Variants in XPOT observed in about 807,000 individuals in gnomAD.
XPOT encodes exportin for tRNA.
In XPOT, 34 loss-of-function variants were observed where a neutral mutation model predicts 128.2. That is an observed-to-expected ratio of 0.27 (90% CI 0.20 to 0.35). The LOEUF (loss-of-function observed/expected upper bound fraction) is 0.35, where lower values mean the gene tolerates loss of function less well. XPOT is among the 10% of genes least tolerant of loss of function. The pLI, the probability that XPOT is intolerant of heterozygous loss-of-function variation, is 1.00. For synonymous variants in XPOT, 348 were observed against 394.3 expected, an observed-to-expected ratio of 0.88 and a Z score of 1.39; for missense variants, 838 against 1,125.3, an observed-to-expected ratio of 0.74 and a Z score of 3.65.
intron 1 of XPOT, among the ~76,000 whole-genome samples, chr12:64,406,076 G>A (rs2039978649): frequency 6.6e-6 from 1 of 151,936 alleles, no homozygotes; most frequent in African/African-American, 2.4e-5. Flanking sequence ...CCAAGCTTAA[G>A]CACTTTTTCT....
rs753385838 is a variant in XPOT at position 64,428,060 on chromosome 12, G to T, written c.1677G>T (p.Met559Ile). Reference protein sequence around the residue: ...SRFVKSLNKQMNPFIEDILNR... With the variant: ...SRFVKSLNKQINPFIEDILNR... The stretch of plus-strand genomic sequence containing the variant: ...TTTTTCTGTTTTTCAGTAAGCAAAT[G>T]AATCCTTTCATTGAGGATATTTTGA... The change falls in exon 16 of 25, where the codon ATG (methionine) becomes ATT (isoleucine). Residue 559 changes from methionine to isoleucine, a missense_variant. Met to Ile is a conservative substitution (Grantham distance 10). This residue lies in a region of XPOT where 761 missense variants were observed against 988.3 expected (regional missense o/e 0.77). Transcript: ENST00000332707. The T allele has an allele frequency of 1.3e-6, 2 of 1,569,890 alleles. No individual in the cohort carries two copies. The highest frequency in any genetic ancestry group is 1.1e-5 in the South Asian group (1 of 89,752).
intron 22 of XPOT, among the ~76,000 whole-genome samples, chr12:64,437,123 T>G (rs2040289159): frequency 6.6e-6 from 1 of 152,170 alleles, no homozygotes. Context: ...TTGATTCTGA[T>G]AGAGACTTGA....
intron 11 of XPOT, among the ~76,000 whole-genome samples, 154 bp from the exon 12 acceptor site, chr12:64,424,443 CTT>C (rs942275115): frequency 6.6e-5 from 10 of 152,058 alleles, no homozygotes; most frequent in Admixed American, 4.6e-4. Context: ...ATTTTAAGGT[CTT>C]TTAAGTTTTT....
chr12:64,440,458 T>C (rs570246184), intron 23 of XPOT, among the ~76,000 whole-genome samples: 1 of 152,224 alleles, frequency 6.6e-6, no homozygotes, highest in Non-Finnish European at 1.5e-5. Context: ...TGATTCCAAT[T>C]CTTTTAGATA....
chr12:64,421,021 C>G (rs969710985), intron 8 of XPOT, among the ~76,000 whole-genome samples: 1 of 152,132 alleles, frequency 6.6e-6, no homozygotes, highest in Non-Finnish European at 1.5e-5. Context: ...AGGCTTGTCT[C>G]GAACTCTTGA....
chr12:64,416,217 C>G (rs2040086106), intron 3 of XPOT, among the ~76,000 whole-genome samples: 1 of 152,244 alleles, frequency 6.6e-6, no homozygotes, highest in Admixed American at 6.5e-5. Flanking sequence ...GTTGGACTGA[C>G]AGTCCATGTG....
In XPOT at chr12:64,424,682, A is replaced by G. The variant is rs757056493; in HGVS notation, c.1266A>G (p.Leu422=). ...LDRLAQVSPE[L]LLASVRRVFS... is the part of the protein sequence containing the mutation. Reference sequence around the variant, plus strand: ...GGCTTGCTCAAGTTTCACCAGAGTTACTACTGGCCTCTGTTCGCAGAGTTT... The same window carrying G: ...GGCTTGCTCAAGTTTCACCAGAGTTGCTACTGGCCTCTGTTCGCAGAGTTT... The change falls in exon 12 of 25, where the codon TTA becomes TTG. Residue 422 remains leucine, a synonymous_variant. Transcript: ENST00000332707. 1 of 1,613,360 alleles carries G rather than the reference A, an allele frequency of 6.2e-7. No individual in the cohort carries two copies. Among genetic ancestry groups the G allele is most frequent in the East Asian group, 2.2e-5 (1 of 44,876 alleles).
intron 8 of XPOT, 139 bp downstream of exon 8, chr12:64,420,660 C>A (rs2040130044): frequency 3.1e-6 from 2 of 646,404 alleles, no homozygotes; most frequent in Non-Finnish European, 5.0e-6. Context: ...ACCACTGCAT[C>A]TAGCCAAAAT....
intron 4 of XPOT, 79 bp from the exon 5 acceptor site, chr12:64,417,967 A>G (rs1475870038): frequency 1.7e-6 from 2 of 1,167,210 alleles, no homozygotes; most frequent in Non-Finnish European, 1.2e-6. Context: ...TTTCCCTTTC[A>G]AATATATGAG....
At chr12:64,435,324 A>G (rs2040273656) in intron 21 of XPOT, among the ~76,000 whole-genome samples, 1 of 152,216 alleles carries the variant, frequency 6.6e-6, no homozygotes, top group Non-Finnish European at 1.5e-5. Flanking sequence ...AATTTTCACA[A>G]TACTTAATGT....
At chr12:64,436,200 G>A (rs376817943) in intron 22 of XPOT, among the ~76,000 whole-genome samples, 6 of 149,952 alleles carry the variant, frequency 4.0e-5, no homozygotes, top group East Asian at 4.0e-4. Context: ...CAAGTGATCC[G>A]CCTGCCTTGC....
At chr12:64,440,778 C>T (rs745536676) in intron 23 of XPOT, among the ~76,000 whole-genome samples, 13 of 151,974 alleles carry the variant, frequency 8.6e-5, no homozygotes, top group Non-Finnish European at 1.9e-4. Flanking sequence ...AAGTCTTTAC[C>T]CCATTTTCTA....
intron 16 of XPOT, 123 bp downstream of exon 16, chr12:64,428,243 G>C: frequency 1.6e-6 from 1 of 633,752 alleles, no homozygotes; most frequent in South Asian, 2.0e-5. Flanking sequence ...TATGTGCAAA[G>C]ATTAGTTCTA....
intron 1 of XPOT, among the ~76,000 whole-genome samples, chr12:64,406,145 C>T (rs945957780): frequency 1.3e-5 from 2 of 152,078 alleles, no homozygotes; most frequent in Non-Finnish European, 2.9e-5. Context: ...ACACGATCTC[C>T]GCTCACTGCA....
In XPOT at chr12:64,425,418, G is replaced by A. The variant is rs2040182978; in HGVS notation, c.1533G>A (p.Lys511=). 6.2e-7 allele frequency: 1 copy of A among 1,613,758 alleles called. No homozygotes were observed. Among genetic ancestry groups the A allele is most frequent in the African/African-American group, 1.3e-5 (1 of 74,916 alleles). Residue 511 remains lysine, a synonymous_variant, in exon 14 of 25, where the codon AAG becomes AAA. Transcript: ENST00000332707. The part of the protein sequence containing the change: ...EFFETVVRYE[K]FFTVEPQHIP... Reference sequence around the variant, plus strand: ...TCGAAACTGTTGTTAGATATGAAAAGTTTTTCACAGTTGAACCTCAGCACA... The same window carrying A: ...TCGAAACTGTTGTTAGATATGAAAAATTTTTCACAGTTGAACCTCAGCACA...
intron 16 of XPOT, among the ~76,000 whole-genome samples, chr12:64,429,444 C>CTT (rs34238513): frequency 2.1e-5 from 3 of 143,738 alleles, no homozygotes; most frequent in Non-Finnish European, 1.5e-5. Flanking sequence ...CACTCTAGTA[C>CTT]TTTTTTTTTT....
rs149762630 is a variant in XPOT at position 64,423,668 on chromosome 12, G to T, written c.1182+424G>T. Among the ~76,000 whole-genome samples the T allele has an allele frequency of 8.9e-3, 1,361 of 152,226 alleles. 19 individuals are homozygous for T. The highest frequency in any genetic ancestry group is 0.031 in the African/African-American group (1,270 of 41,544). ...GGGGTTTCGCCGTGTTGGCCAAGTT[G>T]GTCTTGAACTCCTGGCCTCAAGTGA... On this transcript the variant is annotated intron_variant, in intron 11 of 24. Coordinates refer to ENST00000332707, the MANE Select transcript of XPOT (RefSeq NM_007235.6).
chr12:64,425,444 T>G lies in XPOT; in HGVS notation c.1559T>G (p.Ile520Ser). The G allele has an allele frequency of 5.0e-6, 8 of 1,613,990 alleles. No individual in the cohort carries two copies. Among genetic ancestry groups the G allele is most frequent in the Non-Finnish European group, 6.8e-6 (8 of 1,179,956 alleles). Residue 520 changes from isoleucine (I) to serine (S), a missense_variant, in exon 14 of 25, where the codon ATT becomes AGT. Ile to Ser is a moderately radical substitution (Grantham distance 142). Coordinates refer to ENST00000332707, the MANE Select transcript of XPOT (RefSeq NM_007235.6). ...EKFFTVEPQH[I>S]PCVLMAFLDH... is the part of the protein sequence containing the mutation. ...TTTTTCACAGTTGAACCTCAGCACA[T>G]TCCATGTGTACTAGTAAGTACTCTG...
At chr12:64,412,552 A>G (rs574638216) in intron 2 of XPOT, among the ~76,000 whole-genome samples, 1 of 152,186 alleles carries the variant, frequency 6.6e-6, no homozygotes, top group Non-Finnish European at 1.5e-5. Context: ...GTTAGAAACA[A>G]CTAAGCTAGT....
Sources: allele counts gnomAD v4.1 joint callset (sites outside exome capture counted in the v4.1 genomes callset), GRCh38; gene constraint gnomAD v4.1.1; regional missense constraint gnomAD v4.1.1; transcripts MANE v1.5; gene names NCBI Gene and HGNC (gene_info 2026-07-23, HGNC 2026-07-21).